The following GALNT13 variants were observed in gnomAD, a reference collection of about 807,000 sequenced individuals.
GALNT13 encodes UDP-GalNAc:polypeptide N-acetylgalactosaminyltransferase 13.
Under a neutral mutation model 64.2 loss-of-function variants are expected in GALNT13, and 28 were observed. That is an observed-to-expected ratio of 0.44 (90% confidence interval 0.32 to 0.60). The LOEUF is 0.60. Ranked by LOEUF, GALNT13 falls within the 20% of genes least tolerant of loss-of-function variation. GALNT13 has a pLI of 0.05. For missense variants in GALNT13, 577 were observed against 669.8 expected (o/e 0.86, Z 1.53); for synonymous variants, 214 against 224.6 (o/e 0.95, Z 0.42).
At chr2:154,447,132 A>G (rs1701629184) in intron 12 of GALNT13, among the ~76,000 whole-genome samples, 2 of 151,928 alleles carry the variant, frequency 1.3e-5, no homozygotes, top group Admixed American at 1.3e-4. Context: ...CGATTAAAAA[A>G]CTAACAGGGC....
At chr2:153,820,518 ACAG>A in the GALNT13 span, among the ~76,000 whole-genome samples, 2 of 152,174 alleles carry the variant, frequency 1.3e-5, no homozygotes, top group Admixed American at 6.5e-5. Context: ...CATTAGACTA[ACAG>A]CAGACTTCTC....
the GALNT13 span, among the ~76,000 whole-genome samples, chr2:153,549,882 G>T: frequency 1.7e-3 from 255 of 152,270 alleles, no homozygotes; most frequent in African/African-American, 5.6e-3. Flanking sequence ...CTTTCTTCTT[G>T]TCTTCTTTAT....
At chr2:153,409,718 C>T in the GALNT13 span, among the ~76,000 whole-genome samples, 2,819 of 151,920 alleles carry the variant, frequency 0.019, 41 homozygotes, top group Non-Finnish European at 0.031. Context: ...AAAAGAACTG[C>T]GTAGTATTAA....
the GALNT13 span, among the ~76,000 whole-genome samples, chr2:153,569,869 C>T: frequency 4.6e-5 from 7 of 152,142 alleles, no homozygotes; most frequent in African/African-American, 9.7e-5. Context: ...GCACTCTCTA[C>T]GTCCTTCTGC....
chr2:153,381,071 C>T, the GALNT13 span, among the ~76,000 whole-genome samples: 50 of 151,898 alleles, frequency 3.3e-4, no homozygotes, highest in Non-Finnish European at 6.0e-4. Context: ...ATTTTACCTC[C>T]CCAGTAGCTG....
chr2:154,279,340 T>C (rs531267772), intron 8 of GALNT13, among the ~76,000 whole-genome samples: 10 of 152,200 alleles, frequency 6.6e-5, no homozygotes, highest in African/African-American at 2.2e-4. Context: ...GAGAAGAGGA[T>C]TGACTTTCTT....
the GALNT13 span, chr2:153,371,196 T>A: frequency 6.6e-6 from 1 of 152,232 alleles, no homozygotes; most frequent in Non-Finnish European, 1.5e-5. Flanking sequence ...CTTATCCTAA[T>A]ACGGGTCATC....
At chr2:153,478,478 A>G in the GALNT13 span, 3 of 1,613,278 alleles carry the variant, frequency 1.9e-6, no homozygotes, top group Non-Finnish European at 1.7e-6. Context: ...GCCTGGGTGC[A>G]GCAGCGCACG....
At chr2:153,615,989 T>C in the GALNT13 span, among the ~76,000 whole-genome samples, 3 of 152,096 alleles carry the variant, frequency 2.0e-5, no homozygotes, top group African/African-American at 7.2e-5. Context: ...TGTGGGGAAT[T>C]ACTCAAGAAA....
intron 3 of GALNT13, among the ~76,000 whole-genome samples, chr2:154,025,528 A>G (rs1697891586): frequency 8.8e-6 from 1 of 113,314 alleles, no homozygotes; most frequent in Non-Finnish European, 1.8e-5. Flanking sequence ...ATGTAACAAA[A>G]TGAAGTTTCG....
intron 3 of GALNT13, among the ~76,000 whole-genome samples, chr2:154,022,817 T>G (rs1697622773): frequency 7.0e-6 from 1 of 143,264 alleles, no homozygotes; most frequent in Non-Finnish European, 1.6e-5. Context: ...TTTCCTGCTT[T>G]CTCTTGTGGG....
At chr2:153,967,233 C>T (rs1693433427) in intron 3 of GALNT13, among the ~76,000 whole-genome samples, 1 of 152,092 alleles carries the variant, frequency 6.6e-6, no homozygotes, top group African/African-American at 2.4e-5. Context: ...GTCACTGGTG[C>T]CTTATTTAGT....
At chr2:154,302,168 A>G (rs1169848067) in intron 9 of GALNT13, among the ~76,000 whole-genome samples, 1 of 152,008 alleles carries the variant, frequency 6.6e-6, no homozygotes, top group East Asian at 1.9e-4. Context: ...TACTTATTTT[A>G]AGAATTGAAA....
intron 9 of GALNT13, among the ~76,000 whole-genome samples, chr2:154,387,784 A>G (rs1698586117): frequency 6.6e-6 from 1 of 152,118 alleles, no homozygotes; most frequent in Non-Finnish European, 1.5e-5. Context: ...ATAGTGCTTC[A>G]TTGCATAGAA....
chr2:153,688,972 G>A, the GALNT13 span, among the ~76,000 whole-genome samples: 4 of 145,766 alleles, frequency 2.7e-5, no homozygotes, highest in Admixed American at 7.1e-5. Flanking sequence ...GCAACTGTTA[G>A]GTCATAGGTA....
At chr2:153,432,861 A>G in the GALNT13 span, among the ~76,000 whole-genome samples, 1 of 152,186 alleles carries the variant, frequency 6.6e-6, no homozygotes, top group African/African-American at 2.4e-5. Context: ...AAGATAATAA[A>G]TGTCCATCAA....
chr2:153,558,605 C>CT, the GALNT13 span, among the ~76,000 whole-genome samples: 239 of 144,658 alleles, frequency 1.7e-3, 2 homozygotes, highest in Middle Eastern at 0.011. Context: ...TTATGTAGTG[C>CT]TTTTTTTTTT....
chr2:153,533,293 C>T, the GALNT13 span, among the ~76,000 whole-genome samples: 1 of 151,792 alleles, frequency 6.6e-6, no homozygotes, highest in Non-Finnish European at 1.5e-5. Context: ...TTTTTGTAGC[C>T]CAGCCTGGAG....
the GALNT13 span, among the ~76,000 whole-genome samples, chr2:153,238,723 T>G: frequency 2.6e-5 from 4 of 152,122 alleles, no homozygotes; most frequent in Non-Finnish European, 4.4e-5. Context: ...CATGCTGTTT[T>G]GGTTACTATA....
Sources: allele counts gnomAD v4.1 joint callset (sites outside exome capture counted in the v4.1 genomes callset), GRCh38; gene constraint gnomAD v4.1.1; transcripts MANE v1.5; gene names NCBI Gene and HGNC (gene_info 2026-07-23, HGNC 2026-07-21).